TTC7B: variants seen among roughly 807,000 people sequenced by gnomAD.
The protein encoded by TTC7B is tetratricopeptide repeat domain 7B, also known as tetratricopeptide repeat protein 7B.
A neutral mutation model predicts 106.8 loss-of-function variants in TTC7B; 28 were observed. That is an observed-to-expected ratio of 0.26 (90% CI 0.19 to 0.36). TTC7B has a LOEUF of 0.36. Among genes scored for constraint, TTC7B ranks in the 10% least tolerant of loss-of-function variants. The probability of loss-of-function intolerance (pLI) is 1.00; values close to 1 mark genes in which losing one functional copy is unlikely to be tolerated. For missense variants in TTC7B, 862 were observed against 1,076.4 expected (o/e 0.80, Z 2.79); for synonymous variants, 405 against 430.6 (o/e 0.94, Z 0.74).
intron 15 of TTC7B, among the ~76,000 whole-genome samples, chr14:90,642,394 G>A (rs1885218858): frequency 6.6e-6 from 1 of 152,230 alleles, no homozygotes; most frequent in African/African-American, 2.4e-5. Flanking sequence ...GCGAGGTGAT[G>A]AGGCAGTGAA....
chr14:90,806,005 G>C (rs1187361867), intron 1 of TTC7B, among the ~76,000 whole-genome samples: 2 of 152,216 alleles, frequency 1.3e-5, no homozygotes, highest in African/African-American at 4.8e-5. Flanking sequence ...AAACTTAAGA[G>C]TTTCTTCTCT....
intron 9 of TTC7B, among the ~76,000 whole-genome samples, chr14:90,675,544 G>A (rs1886798293): frequency 6.6e-6 from 1 of 152,170 alleles, no homozygotes; most frequent in Non-Finnish European, 1.5e-5. Flanking sequence ...TTGTGAGGCT[G>A]AGTAACCACT....
intron 3 of TTC7B, among the ~76,000 whole-genome samples, chr14:90,749,769 A>G (rs958620735): frequency 1.3e-5 from 2 of 152,146 alleles, no homozygotes; most frequent in Admixed American, 6.5e-5. Flanking sequence ...CAAGTTCACT[A>G]ATCTTTTCTT....
At chr14:90,784,254 C>T (rs917540480) in intron 2 of TTC7B, among the ~76,000 whole-genome samples, 5 of 152,056 alleles carry the variant, frequency 3.3e-5, no homozygotes, top group African/African-American at 9.7e-5. Flanking sequence ...ATCATGTCAT[C>T]GGTTAAGAAC....
rs76302298 is a variant in TTC7B at position 90,625,938 on chromosome 14, T to C, written c.1752-7893A>G. Among the ~76,000 whole-genome samples, 39 of 152,304 alleles carry C rather than the reference T, an allele frequency of 2.6e-4. 2 individuals carry two copies. In the East Asian group the frequency reaches 6.2e-3, roughly 24 times the overall value. ...AGCTGGAAAAGGCCTTGAGGTCAAA[T>C]AATACTTTGCTACTCAGAGTGTGTC... On this transcript the variant is annotated intron_variant, in intron 15 of 19. Coordinates refer to ENST00000328459, the MANE Select transcript of TTC7B (RefSeq NM_001010854.2).
chr14:90,593,376 G>A, intron 18 of TTC7B, 110 bp downstream of exon 18: 2 of 1,418,136 alleles, frequency 1.4e-6, no homozygotes, highest in Non-Finnish European at 1.9e-6. Context: ...CCTAATGAGG[G>A]GTGTGGGCTA....
intron 2 of TTC7B, among the ~76,000 whole-genome samples, chr14:90,784,263 A>T (rs1891307724): frequency 6.6e-6 from 1 of 152,162 alleles, no homozygotes; most frequent in Admixed American, 6.5e-5. Context: ...TCGGTTAAGA[A>T]CATATGAGAT....
intron 9 of TTC7B, among the ~76,000 whole-genome samples, chr14:90,669,193 C>T (rs1285566727): frequency 6.6e-6 from 1 of 152,096 alleles, no homozygotes; most frequent in East Asian, 1.9e-4. Flanking sequence ...TCCTACCTCA[C>T]ACCATATACA....
chr14:90,766,947 TG>T (rs767118133), intron 3 of TTC7B: 18 of 1,475,844 alleles, frequency 1.2e-5, no homozygotes, highest in East Asian at 2.3e-5. Flanking sequence ...CCAAGACCAC[TG>T]GCCGCCATGG....
At chr14:90,638,324 A>G (rs12432535) in intron 15 of TTC7B, among the ~76,000 whole-genome samples, 55 of 152,342 alleles carry the variant, frequency 3.6e-4, no homozygotes, top group African/African-American at 1.3e-3. Flanking sequence ...AAAAAAAGTC[A>G]TTATGTATGT....
intron 19 of TTC7B, among the ~76,000 whole-genome samples, chr14:90,574,368 C>G (rs1451580408): frequency 6.6e-6 from 1 of 152,248 alleles, no homozygotes; most frequent in Non-Finnish European, 1.5e-5. Context: ...CCTTATCCCT[C>G]TAGCATGCTG....
chr14:90,737,310 T>C (rs1486517681), intron 4 of TTC7B, among the ~76,000 whole-genome samples: 1 of 152,160 alleles, frequency 6.6e-6, no homozygotes, highest in Admixed American at 6.5e-5. Context: ...CACAGGAACC[T>C]GCATACAAAT....
intron 1 of TTC7B, among the ~76,000 whole-genome samples, chr14:90,804,733 G>A (rs1029432319): frequency 5.9e-5 from 9 of 152,194 alleles, no homozygotes; most frequent in African/African-American, 1.9e-4. Flanking sequence ...GCACCTGGTC[G>A]ACTGGACACT....
chr14:90,596,046 A>G (rs147742939), intron 17 of TTC7B, among the ~76,000 whole-genome samples: 61 of 152,346 alleles, frequency 4.0e-4, no homozygotes, highest in Non-Finnish European at 7.9e-4. Flanking sequence ...CTCTAAAAAA[A>G]TCATTGAAGA....
chr14:90,678,091 T>C (rs947227959), intron 8 of TTC7B, among the ~76,000 whole-genome samples: 2 of 152,202 alleles, frequency 1.3e-5, no homozygotes, highest in African/African-American at 4.8e-5. Flanking sequence ...AACATACTAT[T>C]TATGAGAGAC....
chr14:90,596,271 G>T (rs1892199282), intron 17 of TTC7B, among the ~76,000 whole-genome samples: 1 of 152,144 alleles, frequency 6.6e-6, no homozygotes, highest in Non-Finnish European at 1.5e-5. Flanking sequence ...TTTTGGAGGG[G>T]CTAATTTTGG....
chr14:90,658,063 G>A, intron 10 of TTC7B: 1 of 524,662 alleles, frequency 1.9e-6, no homozygotes, highest in Non-Finnish European at 3.5e-6. Flanking sequence ...CATGACACCT[G>A]ATGAAGTCAC....
At chr14:90,582,965 C>T (rs1220027638) in intron 18 of TTC7B, among the ~76,000 whole-genome samples, 4 of 152,202 alleles carry the variant, frequency 2.6e-5, no homozygotes, top group African/African-American at 4.8e-5. Context: ...CAGGATGTAG[C>T]CTTCTTTGCC....
chr14:90,681,796 T>C (rs527434609), intron 7 of TTC7B, among the ~76,000 whole-genome samples: 1 of 152,344 alleles, frequency 6.6e-6, no homozygotes, highest in South Asian at 2.1e-4. Context: ...GGACACTTCT[T>C]TCCCCTTAGA....
Sources: gnomAD v4.1 joint callset for allele counts (sites outside exome capture counted in the v4.1 genomes callset) on GRCh38, gnomAD v4.1.1 for gene constraint, MANE v1.5 for transcripts, NCBI Gene and HGNC (gene_info 2026-07-23, HGNC 2026-07-21) for gene names.